Variants in ADAM7 observed in about 807,000 individuals in gnomAD.
The protein encoded by ADAM7 is disintegrin and metalloproteinase domain-containing protein 7.
A neutral mutation model predicts 102.9 loss-of-function variants in ADAM7; 97 were observed. That is an observed-to-expected ratio of 0.94 (90% CI 0.80 to 1.12). The LOEUF is 1.12. Ranked by LOEUF, ADAM7 falls within the 50% of genes most tolerant of loss-of-function variation. The pLI, the probability that ADAM7 is intolerant of heterozygous loss-of-function variation, is 0.00. For synonymous variants in ADAM7, 334 were observed against 304.4 expected (o/e 1.10, Z -1.01); for missense variants, 991 against 908.7 (o/e 1.09, Z -1.16).
intron 17 of ADAM7, among the ~76,000 whole-genome samples, 189 bp downstream of exon 17, chr8:24,499,505 T>C (rs1820674246): frequency 6.6e-6 from 1 of 152,146 alleles, no homozygotes; most frequent in Non-Finnish European, 1.5e-5. Flanking sequence ...TCACATATTA[T>C]TATACACAGA....
intron 8 of ADAM7, among the ~76,000 whole-genome samples, chr8:24,479,857 G>A (rs1216226484): frequency 6.6e-6 from 1 of 152,178 alleles, no homozygotes; most frequent in Non-Finnish European, 1.5e-5. Flanking sequence ...AGGCACACTT[G>A]TTGGCCCTAT....
intron 3 of ADAM7, among the ~76,000 whole-genome samples, chr8:24,447,870 G>T (rs1818621823): frequency 6.6e-6 from 1 of 150,522 alleles, no homozygotes; most frequent in East Asian, 2.0e-4. Flanking sequence ...CAAATGCTAA[G>T]CAGAAAGAAA....
chr8:24,463,972 A>G lies in ADAM7; in HGVS notation c.312+12A>G. 6.2e-7 allele frequency: 1 copy of G among 1,601,690 alleles called. No homozygotes were observed. Among genetic ancestry groups the G allele is most frequent in the African/African-American group, 1.3e-5 (1 of 74,754 alleles). On this transcript the variant is annotated intron_variant, in intron 4 of 21. Transcript: ENST00000175238. Reference sequence around the variant, plus strand: ...ATCCTCAGATCATGGTATCTTATGGAACTTTACTGTGTCTCTTCTCTAAAA... The same window carrying G: ...ATCCTCAGATCATGGTATCTTATGGGACTTTACTGTGTCTCTTCTCTAAAA...
chr8:24,498,501 A>G (rs2129395055), intron 16 of ADAM7, among the ~76,000 whole-genome samples: 1 of 151,524 alleles, frequency 6.6e-6, no homozygotes, highest in African/African-American at 2.4e-5. Context: ...AAGGTAAGCC[A>G]CAATGTCTAA....
Position 24,465,764 on chromosome 8 carries a change from T to C in ADAM7, c.378T>C (p.Cys126=), listed in dbSNP as rs1190919948. The C allele has an allele frequency of 1.9e-6, 3 of 1,608,286 alleles. No individual in the cohort carries two copies. In the Admixed American group the frequency reaches 5.0e-5, roughly 27 times the overall value. Residue 126 remains cysteine, a synonymous_variant, in exon 5 of 22, where the codon TGT becomes TGC. Coordinates refer to ENST00000175238, the MANE Select transcript of ADAM7 (RefSeq NM_003817.4). ...EYDSAASIST[C]NGLRGFFRIN... ...ATTCAGCTGCCAGTATCAGTACGTG[T>C]AATGGTCTAAGGTAATGCAGAATAT...
intron 19 of ADAM7, 122 bp downstream of exon 19, chr8:24,501,017 A>T (rs1820741426): frequency 1.3e-6 from 1 of 753,396 alleles, no homozygotes; most frequent in Admixed American, 3.0e-5. Context: ...ATCAGGTAAG[A>T]ATAGTAGTAA....
chr8:24,476,518 C>G lies in ADAM7; in HGVS notation c.705+14C>G, dbSNP rs371616825. On this transcript the variant is annotated intron_variant, in intron 8 of 21. Coordinates refer to ENST00000175238, the MANE Select transcript of ADAM7 (RefSeq NM_003817.4). ...TTTGTCAACATGGTAAGATTTGATA[C>G]AGTTTTTGAATCAAGCCAATAATAC... is the stretch of plus-strand genomic sequence containing the variant. 6.3e-7 allele frequency: 1 copy of G among 1,594,498 alleles called. No homozygotes were observed. The highest frequency in any genetic ancestry group is 8.6e-7 in the Non-Finnish European group (1 of 1,164,258).
intron 19 of ADAM7, 98 bp downstream of exon 19, chr8:24,500,993 G>C: frequency 1.0e-6 from 1 of 982,830 alleles, no homozygotes; most frequent in Non-Finnish European, 1.5e-6. Flanking sequence ...GGAAGTATAA[G>C]CTTCTTACTG....
At chr8:24,498,169 C>G (rs956217038) in intron 16 of ADAM7, among the ~76,000 whole-genome samples, 106 of 151,812 alleles carry the variant, frequency 7.0e-4, no homozygotes, top group African/African-American at 2.2e-3. Flanking sequence ...CTCCATAAGA[C>G]TTTTGAGTAA....
intron 2 of ADAM7, among the ~76,000 whole-genome samples, chr8:24,442,919 T>C (rs1301382858): frequency 2.0e-5 from 3 of 152,078 alleles, no homozygotes; most frequent in African/African-American, 7.2e-5. Context: ...GTATGCAAGG[T>C]TTTTGTTTAT....
intron 5 of ADAM7, among the ~76,000 whole-genome samples, chr8:24,466,546 G>A (rs1451989223): frequency 6.6e-6 from 1 of 152,146 alleles, no homozygotes; most frequent in Non-Finnish European, 1.5e-5. Context: ...AGTGGGACTT[G>A]CTACACTACC....
chr8:24,487,326 C>A lies in ADAM7; in HGVS notation c.1091+9C>A. On this transcript the variant is annotated intron_variant, in intron 11 of 21. Coordinates refer to ENST00000175238, the MANE Select transcript of ADAM7 (RefSeq NM_003817.4). ...ATGGACAGTGATGGAAGGTGAGATT[C>A]GAACAATGTACAGAATACACTTACA... The A allele has an allele frequency of 6.2e-7, 1 of 1,612,786 alleles. No homozygotes were observed. Among genetic ancestry groups the A allele is most frequent in the South Asian group, 1.1e-5 (1 of 91,016 alleles).
At chr8:24,502,825 C>A (rs1820807149) in intron 20 of ADAM7, among the ~76,000 whole-genome samples, 1 of 152,058 alleles carries the variant, frequency 6.6e-6, no homozygotes, top group Non-Finnish European at 1.5e-5. Context: ...TCTACATAAA[C>A]TTTCCAGATA....
At chr8:24,481,063 AAAACAAAC>A (rs111355286) in intron 8 of ADAM7, among the ~76,000 whole-genome samples, 1,710 of 149,970 alleles carry the variant, frequency 0.011, 24 homozygotes, top group African/African-American at 0.039. Context: ...CCCTGTCTCA[AAAACAAAC>A]AAACAAACAA....
intron 16 of ADAM7, among the ~76,000 whole-genome samples, chr8:24,495,929 A>G (rs1820536978): frequency 6.6e-6 from 1 of 152,258 alleles, no homozygotes; most frequent in Non-Finnish European, 1.5e-5. Context: ...CTGCATAAGT[A>G]ATGAGATGCC....
At chr8:24,467,311 C>G in intron 6 of ADAM7, 1 of 365,960 alleles carries the variant, frequency 2.7e-6, no homozygotes. Context: ...TCCTTTTCTT[C>G]CCTGCCATTT....
Position 24,452,859 on chromosome 8 carries a change from C to T in ADAM7, c.233+5597C>T, listed in dbSNP as rs1299097637. Among the ~76,000 whole-genome samples the T allele has an allele frequency of 3.3e-5, 5 of 151,044 alleles. No individual in the cohort carries two copies. The South Asian group carries it at 1.0e-3, about 32-fold the overall frequency. Reference sequence around the variant, plus strand: ...AGGGCAGGCCTGGTGGTGACAAAATCTCTCAGCATTTGCTTGTCTGTAAAG... The same window carrying T: ...AGGGCAGGCCTGGTGGTGACAAAATTTCTCAGCATTTGCTTGTCTGTAAAG... On this transcript the variant is annotated intron_variant, in intron 3 of 21. Transcript: ENST00000175238.
chr8:24,469,688 C>A (rs7816257), intron 7 of ADAM7, among the ~76,000 whole-genome samples: 2 of 151,714 alleles, frequency 1.3e-5, no homozygotes, highest in Admixed American at 6.6e-5. Context: ...TGCTGTGACA[C>A]TAAATGTTTT....
intron 20 of ADAM7, chr8:24,506,002 A>G (rs1820937187): frequency 1.0e-6 from 1 of 999,892 alleles, no homozygotes; most frequent in Non-Finnish European, 1.5e-6. Context: ...GTTGTAGGAT[A>G]ACAATCTACA....
Sources: gnomAD v4.1 joint callset for allele counts (sites outside exome capture counted in the v4.1 genomes callset) on GRCh38, gnomAD v4.1.1 for gene constraint, MANE v1.5 for transcripts, NCBI Gene and HGNC (gene_info 2026-07-23, HGNC 2026-07-21) for gene names.